MAP6: variants seen among roughly 807,000 people sequenced by gnomAD.
MAP6 encodes the protein microtubule-associated protein 6.
A neutral mutation model predicts 42.4 loss-of-function variants in MAP6; 26 were observed. The observed-to-expected ratio is 0.61, with a 90% CI of 0.45 to 0.85. The LOEUF (loss-of-function observed/expected upper bound fraction) is 0.85, where lower values mean the gene tolerates loss of function less well. MAP6 is among the 40% of genes least tolerant of loss of function. MAP6 has a pLI of 0.00. For synonymous variants in MAP6, 418 were observed against 443.8 expected (o/e 0.94, Z 0.73); for missense variants, 966 against 1,099.0 (o/e 0.88, Z 1.71).
At chr11:75,606,167 C>T (rs1157532620) in intron 2 of MAP6, among the ~76,000 whole-genome samples, 163 bp from the exon 3 acceptor site, 3 of 152,184 alleles carry the variant, frequency 2.0e-5, no homozygotes, top group Non-Finnish European at 2.9e-5. Flanking sequence ...TTAGGGCATT[C>T]GGCATCTCCC....
Position 75,668,315 on chromosome 11 carries a change from A to C in MAP6, c.55T>G (p.Leu19Val). ...ACCIARFWNQ[L>V]DKADIAVPLV... ...GGCACAGCGATGTCCGCTTTGTCCA[A>C]CTGGTTCCAGAAGCGGGCGATGCAG... The change falls in exon 1 of 4, where the codon TTG becomes GTG. Residue 19 changes from leucine (L) to valine (V), a missense_variant. Transcript: ENST00000304771. The C allele has an allele frequency of 6.3e-7, 1 of 1,577,038 alleles. No individual in the cohort carries two copies. The highest frequency in any genetic ancestry group is 8.6e-7 in the Non-Finnish European group (1 of 1,169,270).
rs530352368 is a variant in MAP6 at position 75,622,469 on chromosome 11, TGAGA to T, written c.906-14151_906-14148del. Among the ~76,000 whole-genome samples the T allele has an allele frequency of 4.1e-3, 621 of 152,310 alleles. 3 individuals are homozygous for T. The highest frequency in any genetic ancestry group is 6.6e-3 in the Non-Finnish European group (447 of 68,028). ...TACACTGAAAACTACATAATGCTGC[TGAGA>T]GAGATTGAAGAAATATTATAAATAA... On this transcript the variant is annotated intron_variant, in intron 1 of 3. Transcript: ENST00000304771.
At chr11:75,650,046 T>A (rs946374405) in intron 1 of MAP6, among the ~76,000 whole-genome samples, 3 of 152,166 alleles carry the variant, frequency 2.0e-5, no homozygotes, top group African/African-American at 7.2e-5. Flanking sequence ...ATGAGCTCCC[T>A]CCCTCTTCAA....
chr11:75,662,000 G>A (rs1450220261), intron 1 of MAP6, among the ~76,000 whole-genome samples: 1 of 152,000 alleles, frequency 6.6e-6, no homozygotes, highest in Non-Finnish European at 1.5e-5. Flanking sequence ...TAATGCATAT[G>A]GGCAATAATA....
intron 1 of MAP6, among the ~76,000 whole-genome samples, chr11:75,618,777 C>T (rs1943050451): frequency 6.6e-6 from 1 of 152,194 alleles, no homozygotes; most frequent in Non-Finnish European, 1.5e-5. Context: ...CCTAAATTGA[C>T]CTCCTGTCGA....
chr11:75,660,338 T>A (rs1339832001), intron 1 of MAP6, among the ~76,000 whole-genome samples: 1 of 152,184 alleles, frequency 6.6e-6, no homozygotes, highest in East Asian at 1.9e-4. Flanking sequence ...AACTTTCAGA[T>A]CCATTTACTC....
chr11:75,631,519 CG>C (rs1943283804), intron 1 of MAP6, among the ~76,000 whole-genome samples: 1 of 152,110 alleles, frequency 6.6e-6, no homozygotes. Context: ...CAGCAGGAGA[CG>C]GTACAAATGC....
At chr11:75,659,907 T>C (rs1943813711) in intron 1 of MAP6, among the ~76,000 whole-genome samples, 1 of 152,270 alleles carries the variant, frequency 6.6e-6, no homozygotes, top group Non-Finnish European at 1.5e-5. Context: ...AATCCTTCCC[T>C]ATGAGAGCAA....
intron 1 of MAP6, among the ~76,000 whole-genome samples, chr11:75,611,306 A>C (rs138224034): frequency 6.6e-6 from 1 of 152,364 alleles, no homozygotes; most frequent in African/African-American, 2.4e-5. Context: ...TAGCACTGAG[A>C]TAGGTGTACC....
intron 1 of MAP6, among the ~76,000 whole-genome samples, chr11:75,645,990 A>C (rs1943547436): frequency 6.6e-6 from 1 of 151,726 alleles, no homozygotes; most frequent in Non-Finnish European, 1.5e-5. Flanking sequence ...ATTCAGGGAT[A>C]CTAGATGAGA....
intron 1 of MAP6, among the ~76,000 whole-genome samples, chr11:75,654,901 C>T (rs1943715456): frequency 6.6e-6 from 1 of 152,210 alleles, no homozygotes; most frequent in South Asian, 2.1e-4. Context: ...AAATTCTTCA[C>T]AGGACACAAG....
At chr11:75,593,665 T>C (rs1415193023) in intron 3 of MAP6, among the ~76,000 whole-genome samples, 1 of 152,198 alleles carries the variant, frequency 6.6e-6, no homozygotes, top group Non-Finnish European at 1.5e-5. Context: ...GTGGGGAGCC[T>C]ATGGACCCTG....
At chr11:75,664,965 T>C (rs1398357994) in intron 1 of MAP6, among the ~76,000 whole-genome samples, 1 of 152,234 alleles carries the variant, frequency 6.6e-6, no homozygotes, top group African/African-American at 2.4e-5. Context: ...TGATGTTTCT[T>C]AGCAATAATC....
At chr11:75,605,412 G>C in intron 3 of MAP6, 10 of 1,000,754 alleles carry the variant, frequency 1.0e-5, no homozygotes, top group Non-Finnish European at 1.1e-5. Flanking sequence ...TGTACCTAAA[G>C]TTCAAAATCG....
At chr11:75,649,456 C>T (rs538247539) in intron 1 of MAP6, among the ~76,000 whole-genome samples, 56 of 151,906 alleles carry the variant, frequency 3.7e-4, no homozygotes, top group African/African-American at 1.3e-3. Context: ...GGGTCTGGGC[C>T]TAGTGGGGGG....
chr11:75,613,398 C>T (rs1942939414), intron 1 of MAP6, among the ~76,000 whole-genome samples: 1 of 152,142 alleles, frequency 6.6e-6, no homozygotes, highest in Non-Finnish European at 1.5e-5. Context: ...GAAGTAATCA[C>T]AAGAAAGCCC....
chr11:75,586,952 A>G lies in MAP6; in HGVS notation c.*107T>C, dbSNP rs1355846642. The G allele has an allele frequency of 8.1e-7, 1 of 1,233,662 alleles. No homozygotes were observed. Among genetic ancestry groups the G allele is most frequent in the Middle Eastern group, 2.3e-4 (1 of 4,348 alleles). The allele number at this position is 1,233,662 out of a possible 1,614,324, so 76.4% of individuals were successfully genotyped here. Reference sequence around the variant, plus strand: ...GGGACCATTTTTATTAGATTCCAGCAAGACTACTGTACATGTTTCATGCAG... The same window carrying G: ...GGGACCATTTTTATTAGATTCCAGCGAGACTACTGTACATGTTTCATGCAG... On this transcript the variant is annotated 3_prime_UTR_variant, in exon 4 of 4. Coordinates refer to ENST00000304771, the MANE Select transcript of MAP6 (RefSeq NM_033063.2).
chr11:75,589,747 T>A (rs1290899768), intron 3 of MAP6, among the ~76,000 whole-genome samples: 1 of 152,242 alleles, frequency 6.6e-6, no homozygotes, highest in Admixed American at 6.5e-5. Context: ...AAATCTATAA[T>A]GATTAGAGGT....
chr11:75,605,057 G>A (rs1344418194), intron 3 of MAP6: 1 of 985,334 alleles, frequency 1.0e-6, no homozygotes, highest in Admixed American at 6.1e-5. Flanking sequence ...GAGGAAAACA[G>A]CCTCCTCATT....
Sources: allele counts gnomAD v4.1 joint callset (sites outside exome capture counted in the v4.1 genomes callset), GRCh38; gene constraint gnomAD v4.1.1; transcripts MANE v1.5; gene names NCBI Gene and HGNC (gene_info 2026-07-23, HGNC 2026-07-21).